The following ABR variants were observed in gnomAD, a reference collection of about 807,000 sequenced individuals.
ABR encodes active breakpoint cluster region-related protein.
Under a neutral mutation model 107.2 loss-of-function variants are expected in ABR, and 35 were observed. The observed-to-expected ratio is 0.33, with a 90% confidence interval of 0.25 to 0.43. ABR has a LOEUF of 0.43. Ranked by LOEUF, ABR falls within the 20% of genes least tolerant of loss-of-function variation. ABR has a pLI of 1.00. For synonymous variants in ABR, 498 were observed against 462.0 expected (o/e 1.08, Z -1.00); for missense variants, 815 against 1,115.2 (o/e 0.73, Z 3.83).
Position 1,193,967 on chromosome 17 carries a change from A to T in ABR, c.838+34826T>A, listed in dbSNP as rs111688664. ...CCTTGGCCTCTCAAAGTGCTGGGAT[A>T]ACAGGCGTGAGCCCCGCGCCTGGCC... On this transcript the variant is annotated intron_variant, in intron 1 of 22. Coordinates refer to the ABR transcript ENST00000574139. Among the ~76,000 whole-genome samples the T allele has an allele frequency of 6.5e-3, 992 of 152,122 alleles. 13 individuals carry two copies. Among genetic ancestry groups the T allele is most frequent in the African/African-American group, 0.021 (857 of 41,534 alleles).
At chr17:1,022,124 A>AAAAAAAAAAC (rs1567591966) in intron 16 of ABR, among the ~76,000 whole-genome samples, 1 of 150,852 alleles carries the variant, frequency 6.6e-6, no homozygotes, top group East Asian at 2.0e-4. Flanking sequence ...AAAAAAAAAA[A>AAAAAAAAAAC]ACAGAAAATG....
chr17:1,208,540 G>A (rs193202795), intron 1 of ABR, among the ~76,000 whole-genome samples: 9 of 152,296 alleles, frequency 5.9e-5, no homozygotes, highest in South Asian at 2.1e-4. Flanking sequence ...CTAACGTCGC[G>A]GTAGAGAAGT....
chr17:1,202,839 G>A (rs80062280), intron 1 of ABR, among the ~76,000 whole-genome samples: 1,779 of 151,430 alleles, frequency 0.012, 9 homozygotes, highest in Middle Eastern at 0.038. Flanking sequence ...AGCTCTCCTC[G>A]AACCCTACTA....
In ABR at chr17:1,071,788, C is replaced by T. The variant is rs532273142; in HGVS notation, c.894+826G>A. ...ATGAGGCACCCGGAGGCCACTTCCCCGGCGTGGGCCTCCAGACAGTCCCAG... is the reference window on the plus strand; with the variant it reads ...ATGAGGCACCCGGAGGCCACTTCCCTGGCGTGGGCCTCCAGACAGTCCCAG... On this transcript the variant is annotated intron_variant, in intron 8 of 22. Transcript: ENST00000302538. The surrounding 1 kb of genome is among the most constrained non-coding windows in gnomAD (Gnocchi z 5.1). 3.9e-5 allele frequency among the ~76,000 whole-genome samples: 6 copies of T among 152,366 alleles called. No homozygotes were observed. In the South Asian group the frequency reaches 6.2e-4, roughly 16 times the overall value.
At chr17:1,009,613 G>C in intron 21 of ABR, 66 bp downstream of exon 21, 1 of 1,457,920 alleles carries the variant, frequency 6.9e-7, no homozygotes, top group Non-Finnish European at 9.6e-7. Flanking sequence ...TGGGGTTGGG[G>C]CCCCTCCCCG....
intron 1 of ABR, chr17:1,155,836 T>G (rs1471249834): frequency 6.6e-6 from 1 of 150,642 alleles, no homozygotes; most frequent in Non-Finnish European, 1.5e-5. Flanking sequence ...TGGTGGCAGG[T>G]GCCTGTAATC....
Position 1,050,270 on chromosome 17 carries a change from G to A in ABR, c.1660-89C>T, listed in dbSNP as rs1258559004. ...GTGCGTGCCTCAGCTTTGCAAGGAG[G>A]AGGGAGTAAGCACGGCCCACGAAGG... On this transcript the variant is annotated intron_variant, in intron 15 of 22. Coordinates refer to ENST00000302538, the MANE Select transcript of ABR (RefSeq NM_021962.5). The surrounding 1 kb of genome is among the most constrained non-coding windows in gnomAD (Gnocchi z 4.6). The A allele has an allele frequency of 6.0e-6, 9 of 1,500,258 alleles. No homozygotes were observed. The highest frequency in any genetic ancestry group is 4.0e-5 in the Admixed American group (2 of 50,478). The allele number at this position is 1,500,258 out of a possible 1,614,324, so 92.9% of individuals were successfully genotyped here. A position where few individuals can be genotyped will look rare whatever the true frequency, so the allele number is the denominator to read the frequency against.
At chr17:1,156,681 C>T (rs1483747254) in intron 1 of ABR, among the ~76,000 whole-genome samples, 1 of 150,918 alleles carries the variant, frequency 6.6e-6, no homozygotes, top group Non-Finnish European at 1.5e-5. Context: ...GAGACTCTGT[C>T]TCAAAAAGAA....
intron 16 of ABR, among the ~76,000 whole-genome samples, chr17:1,031,303 G>A (rs993051558): frequency 1.3e-5 from 2 of 152,160 alleles, no homozygotes; most frequent in Admixed American, 6.5e-5. Flanking sequence ...GCGTCTCCCC[G>A]TGCGCTGTTT....
intron 16 of ABR, chr17:1,031,744 CGGGGG>C (rs371587357): frequency 3.2e-6 from 4 of 1,236,026 alleles, no homozygotes; most frequent in Non-Finnish European, 4.0e-6. Flanking sequence ...TCGGTCATGC[CGGGGG>C]GGACGGGACG....
chr17:1,139,522 G>A (rs530680973), intron 1 of ABR, among the ~76,000 whole-genome samples: 8 of 151,840 alleles, frequency 5.3e-5, no homozygotes, highest in African/African-American at 7.2e-5. Flanking sequence ...AAAATGCTGG[G>A]ATTACAGGCG....
intron 1 of ABR, among the ~76,000 whole-genome samples, chr17:1,141,916 G>A (rs889934145): frequency 6.6e-6 from 1 of 151,816 alleles, no homozygotes; most frequent in East Asian, 1.9e-4. Flanking sequence ...CCGCCACCAC[G>A]CCCGGATAAT....
rs533039852 is a variant in ABR, at chr17:1,109,457, G to A, written c.247-8722C>T. On this transcript the variant is annotated intron_variant, in intron 2 of 22. Coordinates refer to ENST00000302538, the MANE Select transcript of ABR (RefSeq NM_021962.5). ...AACACACAGGAAACGCGCGTCGCGA[G>A]GTGGAGCCGCCCGTCCTCTGGGGTT... Among the ~76,000 whole-genome samples, 263 of 152,128 alleles carry A rather than the reference G, an allele frequency of 1.7e-3. 1 individual carries two copies. The highest frequency in any genetic ancestry group is 5.8e-3 in the African/African-American group (240 of 41,546).
chr17:1,099,856 A>C (rs1444167141), intron 3 of ABR, among the ~76,000 whole-genome samples: 1 of 152,184 alleles, frequency 6.6e-6, no homozygotes, highest in Non-Finnish European at 1.5e-5. Flanking sequence ...GGCCGGGCGC[A>C]GTGGCTCATG....
intron 16 of ABR, among the ~76,000 whole-genome samples, chr17:1,048,430 A>G (rs560353083): frequency 6.6e-6 from 1 of 152,372 alleles, no homozygotes; most frequent in East Asian, 1.9e-4. Context: ...GCCAGATACC[A>G]AACTCGGTGG....
intron 5 of ABR, among the ~76,000 whole-genome samples, chr17:1,080,688 T>C (rs1791709542): frequency 6.7e-6 from 1 of 148,788 alleles, no homozygotes; most frequent in Non-Finnish European, 1.5e-5. Flanking sequence ...AGGAACTTCC[T>C]ACTTCTGTCT....
intron 16 of ABR, among the ~76,000 whole-genome samples, chr17:1,022,801 C>T (rs888685081): frequency 5.9e-5 from 9 of 152,238 alleles, no homozygotes; most frequent in Non-Finnish European, 1.3e-4. Flanking sequence ...CAGATAGGCT[C>T]GGGCTGATGC....
intron 1 of ABR, among the ~76,000 whole-genome samples, chr17:1,164,990 T>G (rs1199224480): frequency 6.6e-6 from 1 of 152,226 alleles, no homozygotes; most frequent in Non-Finnish European, 1.5e-5. Flanking sequence ...AAATTCTAAT[T>G]TAACGGGGCA....
At chr17:1,172,961 CACCTCAGCCCACCCAACA>C in intron 1 of ABR, among the ~76,000 whole-genome samples, 6 of 93,262 alleles carry the variant, frequency 6.4e-5, no homozygotes, top group African/African-American at 1.8e-4. Flanking sequence ...CCCCCCCCAT[CACCTCAGCCCACCCAACA>C]CATCACCTCA....
Sources: allele counts gnomAD v4.1 joint callset (sites outside exome capture counted in the v4.1 genomes callset), GRCh38; gene constraint gnomAD v4.1.1; non-coding constraint Gnocchi (gnomAD v3.1); transcripts MANE v1.5; gene names NCBI Gene and HGNC (gene_info 2026-07-23, HGNC 2026-07-21).